DLG5: variants seen among roughly 807,000 people sequenced by gnomAD.
The protein encoded by DLG5 is discs large MAGUK scaffold protein 5.
A neutral mutation model predicts 189.8 loss-of-function variants in DLG5; 48 were observed. The observed-to-expected ratio is 0.25, with a 90% CI of 0.20 to 0.32. The LOEUF (loss-of-function observed/expected upper bound fraction) is 0.32. DLG5 is among the 10% of genes least tolerant of loss of function. The pLI, the probability that DLG5 is intolerant of heterozygous loss-of-function variation, is 1.00. For synonymous variants in DLG5, 1,016 were observed against 1,054.1 expected (o/e 0.96, Z 0.70); for missense variants, 2,160 against 2,544.7 (o/e 0.85, Z 3.25).
At chr10:77,799,646 G>A (rs145849522) in intron 27 of DLG5, among the ~76,000 whole-genome samples, 2,032 of 152,262 alleles carry the variant, frequency 0.013, 15 homozygotes, top group Non-Finnish European at 0.021. Flanking sequence ...CTCTTGCTTT[G>A]TTGCCAGGCT....
At chr10:77,871,418 C>T (rs535619932) in intron 1 of DLG5, among the ~76,000 whole-genome samples, 1 of 151,910 alleles carries the variant, frequency 6.6e-6, no homozygotes, top group Admixed American at 6.6e-5. Flanking sequence ...TATGATCCTG[C>T]TAATAATGAA....
At chr10:77,795,494 A>C (rs527967229) in intron 29 of DLG5, among the ~76,000 whole-genome samples, 1 of 152,188 alleles carries the variant, frequency 6.6e-6, no homozygotes, top group African/African-American at 2.4e-5. Context: ...CAGAGAAGGG[A>C]AGCAAAGCCC....
chr10:77,856,665 G>T, intron 3 of DLG5, 65 bp downstream of exon 3: 1 of 1,572,760 alleles, frequency 6.4e-7, no homozygotes, highest in Non-Finnish European at 8.7e-7. Flanking sequence ...GGGGGTGACA[G>T]CACCAGCATC....
At chr10:77,901,984 CCACTTTA>C (rs1255180223) in intron 1 of DLG5, among the ~76,000 whole-genome samples, 1 of 152,222 alleles carries the variant, frequency 6.6e-6, no homozygotes, top group Non-Finnish European at 1.5e-5. Context: ...AAGGCCACTC[CCACTTTA>C]CAGAGGAACA....
intron 1 of DLG5, among the ~76,000 whole-genome samples, chr10:77,873,665 T>G (rs549344889): frequency 1.3e-3 from 196 of 152,236 alleles, no homozygotes; most frequent in South Asian, 3.5e-3. Context: ...TCCATTCACC[T>G]GGAGCTTGTA....
upstream of DLG5, chr10:77,926,783 G>A (rs1204084156): frequency 5.9e-6 from 1 of 168,270 alleles, no homozygotes; most frequent in Non-Finnish European, 1.2e-5. This position sits in a 1 kb window ranked among gnomAD's most constrained non-coding sequence, Gnocchi z 5.2. Flanking sequence ...GACGGAGGAG[G>A]AGAAGGAGGA....
At chr10:77,812,083 G>T (rs1004787103) in intron 21 of DLG5, 26 bp from the exon 22 acceptor site, 1 of 1,607,014 alleles carries the variant, frequency 6.2e-7, no homozygotes, top group Non-Finnish European at 8.5e-7. Flanking sequence ...GATGGGCTCA[G>T]TGGGGGGGTC....
chr10:77,852,024 A>G (rs889213837), intron 5 of DLG5, among the ~76,000 whole-genome samples: 1 of 152,186 alleles, frequency 6.6e-6, no homozygotes, highest in African/African-American at 2.4e-5. Flanking sequence ...GGGGGACTGC[A>G]GAGGGCATGG....
At chr10:77,873,352 T>TG (rs1387694257) in intron 1 of DLG5, among the ~76,000 whole-genome samples, 3 of 151,874 alleles carry the variant, frequency 2.0e-5, no homozygotes, top group Non-Finnish European at 1.5e-5. Flanking sequence ...AGTCCACAGG[T>TG]GGGATGCACA....
intron 1 of DLG5, among the ~76,000 whole-genome samples, chr10:77,910,895 C>T (rs1233462343): frequency 6.6e-6 from 1 of 150,984 alleles, no homozygotes; most frequent in Non-Finnish European, 1.5e-5. Flanking sequence ...TCTCTTGAAC[C>T]TGGAAGTCAG....
At chr10:77,906,876 T>C (rs1005390547) in intron 1 of DLG5, among the ~76,000 whole-genome samples, 3 of 152,044 alleles carry the variant, frequency 2.0e-5, no homozygotes, top group Admixed American at 6.6e-5. Context: ...TCCACCTGAC[T>C]CAGGCTCCCA....
chr10:77,830,138 C>T, intron 11 of DLG5, 79 bp downstream of exon 11: 1 of 1,576,412 alleles, frequency 6.3e-7, no homozygotes, highest in Non-Finnish European at 8.6e-7. Flanking sequence ...CACCTAAGTG[C>T]TACCTGGCTC....
rs779005786 is a variant in DLG5 at position 77,830,303 on chromosome 10, T to C, written c.1923A>G (p.Glu641=). 3 of 1,614,076 alleles carry C rather than the reference T, an allele frequency of 1.9e-6. No homozygotes were observed. Among genetic ancestry groups the C allele is most frequent in the Non-Finnish European group, 2.5e-6 (3 of 1,180,040 alleles). The change falls in exon 11 of 32, where the codon GAA becomes GAG. Residue 641 remains glutamate, a synonymous_variant. Transcript: ENST00000372391. ...CCGGGAAACAAGGCTCATTCACACC[T>C]TCTGCCATATCAAACCCCAGTGCCT... ...DLKALGFDMA[E]GVNEPCFPGD...
At chr10:77,907,633 C>T (rs1462698451) in intron 1 of DLG5, among the ~76,000 whole-genome samples, 2 of 151,322 alleles carry the variant, frequency 1.3e-5, no homozygotes, top group African/African-American at 2.5e-5. Context: ...CCATGTGCCA[C>T]ACACTGCTGT....
At chr10:77,859,447 G>C (rs772491836) in intron 2 of DLG5, among the ~76,000 whole-genome samples, 2 of 152,184 alleles carry the variant, frequency 1.3e-5, no homozygotes, top group Admixed American at 6.5e-5. Context: ...ATTCATGTAA[G>C]TGCCCTGTAC....
chr10:77,874,988 T>TG (rs1281101355), intron 1 of DLG5, among the ~76,000 whole-genome samples: 1 of 152,240 alleles, frequency 6.6e-6, no homozygotes, highest in African/African-American at 2.4e-5. Flanking sequence ...TACTAAGTAC[T>TG]GGGACTGTGC....
intron 3 of DLG5, among the ~76,000 whole-genome samples, chr10:77,854,900 G>A (rs578210062): frequency 2.7e-4 from 41 of 152,052 alleles, no homozygotes; most frequent in Middle Eastern, 6.8e-3. Flanking sequence ...AACGTGGGAG[G>A]ATCACTTGAG....
intron 25 of DLG5, 26 bp from the exon 26 acceptor site, chr10:77,806,954 G>T: frequency 6.3e-7 from 1 of 1,594,724 alleles, no homozygotes; most frequent in South Asian, 1.1e-5. Flanking sequence ...GAAGGAACAC[G>T]ATCAGGCGGC....
intron 1 of DLG5, among the ~76,000 whole-genome samples, chr10:77,916,168 C>T (rs1036126642): frequency 6.6e-6 from 1 of 152,108 alleles, no homozygotes; most frequent in Non-Finnish European, 1.5e-5. Flanking sequence ...CACAGTAAGC[C>T]ATGATCATGC....
Sources: allele counts gnomAD v4.1 joint callset (sites outside exome capture counted in the v4.1 genomes callset), GRCh38; gene constraint gnomAD v4.1.1; non-coding constraint Gnocchi (gnomAD v3.1); transcripts MANE v1.5; gene names NCBI Gene and HGNC (gene_info 2026-07-23, HGNC 2026-07-21).